Variants in MME observed in about 807,000 individuals in gnomAD.
The protein encoded by MME is neprilysin.
Under a neutral mutation model 113.2 loss-of-function variants are expected in MME, and 98 were observed. The observed-to-expected ratio is 0.87, with a 90% confidence interval of 0.74 to 1.02. The LOEUF is 1.02. Among genes scored for constraint, MME ranks in the 50% least tolerant of loss-of-function variants. The probability of loss-of-function intolerance (pLI) is 0.00; values close to 1 mark genes in which losing one functional copy is unlikely to be tolerated. For missense variants in MME, 836 were observed against 896.0 expected (o/e 0.93, Z 0.86); for synonymous variants, 292 against 300.6 (o/e 0.97, Z 0.30).
chr3:155,163,058 T>C (rs1490784162), intron 17 of MME, among the ~76,000 whole-genome samples: 1 of 150,082 alleles, frequency 6.7e-6, no homozygotes, highest in Non-Finnish European at 1.5e-5. Flanking sequence ...TGTATGTGTA[T>C]ATAAATACAC....
At chr3:155,082,372 G>A (rs1183283055) in intron 1 of MME, among the ~76,000 whole-genome samples, 4 of 152,186 alleles carry the variant, frequency 2.6e-5, no homozygotes, top group Admixed American at 1.3e-4. Context: ...TTAACATTCA[G>A]GTGTTCTTTA....
At chr3:155,136,146 A>C (rs1346434598) in intron 8 of MME, among the ~76,000 whole-genome samples, 2 of 151,926 alleles carry the variant, frequency 1.3e-5, no homozygotes, top group African/African-American at 4.8e-5. Context: ...CTTTTGCCTG[A>C]TTGATTGATC....
intron 1 of MME, among the ~76,000 whole-genome samples, chr3:155,072,346 T>G (rs1055466926): frequency 3.9e-5 from 6 of 152,240 alleles, no homozygotes; most frequent in African/African-American, 1.2e-4. Context: ...GTAAACACTT[T>G]TCCATCACAT....
intron 1 of MME, among the ~76,000 whole-genome samples, chr3:155,063,472 T>TA (rs1274176728): frequency 1.4e-5 from 1 of 69,946 alleles, no homozygotes; most frequent in Middle Eastern, 8.6e-3. Context: ...AATAAATATA[T>TA]TTTTATTATT....
Position 155,104,271 on chromosome 3 carries a change from T to G in MME, c.197-10723T>G, listed in dbSNP as rs545868438. ...TTTCATGCTTCACAAGAAGAAAATCTTTTGGAGAAAGCCAATGATTTAACA... is the reference window on the plus strand; with the variant it reads ...TTTCATGCTTCACAAGAAGAAAATCGTTTGGAGAAAGCCAATGATTTAACA... On this transcript the variant is annotated intron_variant, in intron 3 of 22. Coordinates refer to ENST00000360490, the MANE Select transcript of MME (RefSeq NM_007289.4). 3.3e-5 allele frequency among the ~76,000 whole-genome samples: 5 copies of G among 152,190 alleles called. No homozygotes were observed. The East Asian group carries it at 9.7e-4, about 29-fold the overall frequency.
At chr3:155,145,755 T>A (rs1444176735) in intron 14 of MME, among the ~76,000 whole-genome samples, 4 of 152,188 alleles carry the variant, frequency 2.6e-5, no homozygotes, top group African/African-American at 9.6e-5. Flanking sequence ...TCACAATAAT[T>A]TTTTTGTGTG....
At chr3:155,128,982 A>G (rs3773889) in intron 8 of MME, among the ~76,000 whole-genome samples, 15,027 of 152,196 alleles carry the variant, frequency 0.099, 960 homozygotes, top group Non-Finnish European at 0.15. Flanking sequence ...TCTCTTTTCA[A>G]TCCCCAGTTA....
At chr3:155,042,760 A>G (rs947735810) in intron 1 of MME, among the ~76,000 whole-genome samples, 2 of 151,534 alleles carry the variant, frequency 1.3e-5, no homozygotes, top group Non-Finnish European at 2.9e-5. Context: ...GAATGAAAGT[A>G]TCTTTTCATG....
intron 1 of MME, among the ~76,000 whole-genome samples, chr3:155,066,916 C>A (rs1471570381): frequency 6.6e-6 from 1 of 152,142 alleles, no homozygotes. Context: ...GAATACCATT[C>A]TTACAGTGAG....
Position 155,084,080 on chromosome 3 carries a change from A to G in MME, c.-10-78A>G, listed in dbSNP as rs1294826259. On this transcript the variant is annotated intron_variant, in intron 1 of 22. Coordinates refer to ENST00000360490, the MANE Select transcript of MME (RefSeq NM_007289.4). ...TAAAATAACTGAGCCTTTTACTTTT[A>G]TCCAGCCACATTAAGCATTTGGACA... 12 of 1,260,830 alleles carry G rather than the reference A, an allele frequency of 9.5e-6. No homozygotes were observed. In the African/African-American group the frequency reaches 1.6e-4, roughly 17 times the overall value. 78.1% of individuals were successfully genotyped at this position (1,260,830 alleles called of 1,614,324 possible). A position where few individuals can be genotyped will look rare whatever the true frequency, so the allele number is the denominator to read the frequency against.
intron 9 of MME, 59 bp from the exon 10 acceptor site, chr3:155,140,132 G>C: frequency 8.4e-7 from 1 of 1,196,622 alleles, no homozygotes; most frequent in Non-Finnish European, 1.2e-6. Flanking sequence ...CTCATATGTA[G>C]TTATATTTTT....
At chr3:155,115,898 A>G (rs1431346461) in intron 4 of MME, among the ~76,000 whole-genome samples, 1 of 152,170 alleles carries the variant, frequency 6.6e-6, no homozygotes, top group East Asian at 1.9e-4. Flanking sequence ...TGTCTCCCTG[A>G]GAAGTTAAGA....
chr3:155,154,621 C>G (rs991072587), intron 16 of MME, among the ~76,000 whole-genome samples: 1 of 152,172 alleles, frequency 6.6e-6, no homozygotes, highest in Non-Finnish European at 1.5e-5. Flanking sequence ...TCTTGAGTGG[C>G]AGAGAAGTAC....
chr3:155,024,406 T>C (rs530269621), intron 1 of MME: 1 of 152,368 alleles, frequency 6.6e-6, no homozygotes, highest in East Asian at 1.9e-4. Flanking sequence ...TCTACACTGA[T>C]ATAATTTATG....
chr3:155,161,512 A>C (rs1240232988), intron 17 of MME, among the ~76,000 whole-genome samples: 1 of 152,180 alleles, frequency 6.6e-6, no homozygotes, highest in Non-Finnish European at 1.5e-5. Flanking sequence ...CTAAAAAAAA[A>C]CTAACCTTAA....
chr3:155,155,428 G>A (rs933938412), intron 16 of MME, among the ~76,000 whole-genome samples: 2 of 152,078 alleles, frequency 1.3e-5, no homozygotes, highest in African/African-American at 2.4e-5. Flanking sequence ...TCTCTATGAC[G>A]TGCATAGCAA....
At chr3:155,094,128 A>G (rs1416592993) in intron 3 of MME, among the ~76,000 whole-genome samples, 1 of 152,220 alleles carries the variant, frequency 6.6e-6, no homozygotes, top group Non-Finnish European at 1.5e-5. Flanking sequence ...CTGTTAAATT[A>G]TAAACTTTAT....
chr3:155,043,867 C>T (rs567739207), intron 1 of MME, among the ~76,000 whole-genome samples: 19 of 152,016 alleles, frequency 1.2e-4, no homozygotes, highest in African/African-American at 4.1e-4. Context: ...TTTACTTTTA[C>T]GAATTTACTC....
intron 16 of MME, among the ~76,000 whole-genome samples, chr3:155,149,960 A>G (rs1043065574): frequency 6.6e-6 from 1 of 152,216 alleles, no homozygotes; most frequent in African/African-American, 2.4e-5. Flanking sequence ...GTGAATACAC[A>G]TGCTTGGCAT....
Sources: gnomAD v4.1 joint callset for allele counts (sites outside exome capture counted in the v4.1 genomes callset) on GRCh38, gnomAD v4.1.1 for gene constraint, MANE v1.5 for transcripts, NCBI Gene and HGNC (gene_info 2026-07-23, HGNC 2026-07-21) for gene names.